Variants in APPL1 observed in about 807,000 individuals in gnomAD.
The protein encoded by APPL1 is adaptor protein, phosphotyrosine interacting with PH domain and leucine zipper 1.
APPL1 carries 42 observed loss-of-function variants against 106.8 expected under a neutral mutation model. The ratio of observed to expected loss-of-function variants is 0.39; its 90% CI spans 0.31 to 0.51. The LOEUF (loss-of-function observed/expected upper bound fraction) is 0.51, where lower values mean the gene tolerates loss of function less well. Ranked by LOEUF, APPL1 falls within the 20% of genes least tolerant of loss-of-function variation. The pLI is 0.75. For missense variants in APPL1, 769 were observed against 858.2 expected (o/e 0.90, Z 1.30); for synonymous variants, 263 against 281.8 (o/e 0.93, Z 0.67).
chr3:57,231,369 T>G (rs1458656324), intron 1 of APPL1, among the ~76,000 whole-genome samples: 1 of 151,546 alleles, frequency 6.6e-6, no homozygotes, highest in Non-Finnish European at 1.5e-5. Context: ...AGAAAATTTT[T>G]TTTTTGTAAA....
At chr3:57,248,110 C>T (rs909343361) in intron 9 of APPL1, 83 bp from the exon 10 acceptor site, 14 of 1,405,310 alleles carry the variant, frequency 1.0e-5, no homozygotes, top group Middle Eastern at 3.7e-4. Context: ...AAAACATACC[C>T]GAAACAAATA....
In APPL1 at chr3:57,270,348, T is replaced by TTGA. The variant is rs1180570077; in HGVS notation, c.*663_*665dup. 6.5e-5 allele frequency: 10 copies of TTGA among 152,774 alleles called. No homozygotes were observed. In the South Asian group the frequency reaches 1.9e-3, roughly 28 times the overall value. 9.5% of individuals were successfully genotyped at this position (152,774 alleles called of 1,614,324 possible). On this transcript the variant is annotated 3_prime_UTR_variant, in exon 22 of 22. Transcript: ENST00000288266. The stretch of plus-strand genomic sequence containing the variant: ...AAGCTTAAGTGTCTTCAGTTCAAGA[T>TTGA]TGATAGAGCCCTTGGCATTTTATTA...
rs139917044 is a variant in APPL1 at position 57,231,553 on chromosome 3, A to C, written c.54+3616A>C. Reference sequence around the variant, plus strand: ...TGGCCTGCCAGTTGCTACCTAAAAAAGAGCCTTGGCCTGGCACAGTGGCTC... The same window carrying C: ...TGGCCTGCCAGTTGCTACCTAAAAACGAGCCTTGGCCTGGCACAGTGGCTC... On this transcript the variant is annotated intron_variant, in intron 1 of 21. Coordinates refer to ENST00000288266, the MANE Select transcript of APPL1 (RefSeq NM_012096.3). 5.7e-4 allele frequency among the ~76,000 whole-genome samples: 86 copies of C among 152,072 alleles called. 2 individuals are homozygous for C. The East Asian group carries it at 0.016, about 28-fold the overall frequency.
rs980453340 is a variant in APPL1 at position 57,271,269 on chromosome 3, T to C, written c.*1582T>C. The C allele has an allele frequency of 5.2e-5, 8 of 152,606 alleles. No individual in the cohort carries two copies. The highest frequency in any genetic ancestry group is 8.8e-5 in the Non-Finnish European group (6 of 68,028). The allele number at this position is 152,606 out of a possible 1,614,324, so 9.5% of individuals were successfully genotyped here. A position where few individuals can be genotyped will look rare whatever the true frequency, so the allele number is the denominator to read the frequency against. On this transcript the variant is annotated 3_prime_UTR_variant, in exon 22 of 22. Transcript: ENST00000288266. ...TTTCTGTAGGAATAGGATAATGATA[T>C]ATAGGATCATGATATTCCTTCTATC... is the stretch of plus-strand genomic sequence containing the variant.
rs1037555182 is a variant in APPL1 at position 57,236,390 on chromosome 3, G to A, written c.153+726G>A. Among the ~76,000 whole-genome samples the A allele has an allele frequency of 8.7e-5, 13 of 150,048 alleles. 1 individual carries two copies. Among genetic ancestry groups the A allele is most frequent in the African/African-American group, 3.0e-4 (12 of 40,574 alleles). On this transcript the variant is annotated intron_variant, in intron 2 of 21. Transcript: ENST00000288266. Reference sequence around the variant, plus strand: ...GTCTCCCAGGCTGGAGTGCAATGGTGCAATCTCAGCTCACTGCACCCTCCA... The same window carrying A: ...GTCTCCCAGGCTGGAGTGCAATGGTACAATCTCAGCTCACTGCACCCTCCA...
chr3:57,235,890 C>G (rs2060713669), intron 2 of APPL1, among the ~76,000 whole-genome samples: 1 of 152,208 alleles, frequency 6.6e-6, no homozygotes, highest in Non-Finnish European at 1.5e-5. Context: ...ATTGAAGCAT[C>G]TGCCCATTCT....
chr3:57,229,856 G>T (rs2060677291), intron 1 of APPL1, among the ~76,000 whole-genome samples: 1 of 152,158 alleles, frequency 6.6e-6, no homozygotes, highest in East Asian at 1.9e-4. Flanking sequence ...TGGGATTACA[G>T]ACGTGTGCCA....
At position 57,269,863 on chromosome 3, in the gene APPL1, CT is replaced by C. The variant is rs1474131947; in HGVS notation, c.*182del. 9 of 687,996 alleles carry C rather than the reference CT, an allele frequency of 1.3e-5. No individual in the cohort carries two copies. The highest frequency in any genetic ancestry group is 5.4e-5 in the African/African-American group (3 of 55,464). 42.6% of individuals were successfully genotyped at this position (687,996 alleles called of 1,614,324 possible). A position where few individuals can be genotyped will look rare whatever the true frequency, so the allele number is the denominator to read the frequency against. On this transcript the variant is annotated 3_prime_UTR_variant, in exon 22 of 22. Coordinates refer to ENST00000288266, the MANE Select transcript of APPL1 (RefSeq NM_012096.3). ...CTTGATGACTTAGGTTTGCATTGAT[CT>C]TTTTTCCCCCTTAAACATAATGTAC...
intron 2 of APPL1, 147 bp downstream of exon 2, chr3:57,235,811 T>C (rs1362954032): frequency 1.8e-6 from 1 of 559,112 alleles, no homozygotes; most frequent in Non-Finnish European, 3.3e-6. Flanking sequence ...TAATGAACAT[T>C]GAGTGTATTA....
At chr3:57,252,094 C>T (rs2060808338) in intron 11 of APPL1, among the ~76,000 whole-genome samples, 175 bp from the exon 12 acceptor site, 1 of 152,168 alleles carries the variant, frequency 6.6e-6, no homozygotes, top group Admixed American at 6.5e-5. Flanking sequence ...AAGTCTGCAT[C>T]CTGATACCTC....
At chr3:57,258,737 A>C in intron 15 of APPL1, 1 of 268,084 alleles carries the variant, frequency 3.7e-6, no homozygotes, top group Non-Finnish European at 7.0e-6. Context: ...GTGCTAGCTT[A>C]TTTAAATTCA....
At chr3:57,243,713 G>T (rs527495505) in intron 7 of APPL1, among the ~76,000 whole-genome samples, 1 of 152,156 alleles carries the variant, frequency 6.6e-6, no homozygotes. Flanking sequence ...CTACTTAATG[G>T]TGTATTGATA....
At chr3:57,242,433 A>T (rs1292303430) in intron 6 of APPL1, among the ~76,000 whole-genome samples, 1 of 151,314 alleles carries the variant, frequency 6.6e-6, no homozygotes, top group East Asian at 1.9e-4. Flanking sequence ...AATGAGTGTT[A>T]TATATATATA....
intron 5 of APPL1, among the ~76,000 whole-genome samples, chr3:57,241,444 CACTT>C (rs2060745949): frequency 6.6e-6 from 1 of 152,284 alleles, no homozygotes; most frequent in African/African-American, 2.4e-5. Context: ...CAGCCATACA[CACTT>C]ACTTCCAAAA....
intron 19 of APPL1, among the ~76,000 whole-genome samples, chr3:57,267,254 A>G (rs910114033): frequency 2.0e-5 from 3 of 152,208 alleles, no homozygotes; most frequent in Non-Finnish European, 4.4e-5. Context: ...AATTTTGCCT[A>G]GGCTTACTGA....
In APPL1 at chr3:57,247,458, A is replaced by G. The variant is rs1046272732; in HGVS notation, c.685A>G (p.Ile229Val). ...NEQLEEFLAN[I>V]GTSVQNVRRE... ...ACAACTGGAAGAATTTTTAGCTAAT[A>G]TTGGAACAAGCGTTCAGAAGTAAGT... The change falls in exon 9 of 22, where the codon ATT (isoleucine) becomes GTT (valine). Residue 229 changes from isoleucine (I) to valine (V), a missense_variant. Coordinates refer to ENST00000288266, the MANE Select transcript of APPL1 (RefSeq NM_012096.3). 3.7e-6 allele frequency: 6 copies of G among 1,607,828 alleles called. No individual in the cohort carries two copies. Among genetic ancestry groups the G allele is most frequent in the Non-Finnish European group, 5.1e-6 (6 of 1,175,108 alleles).
intron 11 of APPL1, among the ~76,000 whole-genome samples, 161 bp from the exon 12 acceptor site, chr3:57,252,108 T>TATCA: frequency 6.6e-6 from 1 of 152,350 alleles, no homozygotes; most frequent in African/African-American, 2.4e-5. Context: ...ATACCTCTGG[T>TATCA]GGTCTCCTTT....
intron 13 of APPL1, among the ~76,000 whole-genome samples, chr3:57,255,224 G>T (rs1011596889): frequency 1.5e-4 from 23 of 152,162 alleles, no homozygotes; most frequent in Admixed American, 1.5e-3. Context: ...GACAGGAGCT[G>T]CCTGACCTCT....
chr3:57,232,795 G>A (rs1316289421), intron 1 of APPL1, among the ~76,000 whole-genome samples: 2 of 152,162 alleles, frequency 1.3e-5, no homozygotes, highest in African/African-American at 4.8e-5. Flanking sequence ...AAGGTCAGGA[G>A]ATCGAGACCA....
Sources: gnomAD v4.1 joint callset for allele counts (sites outside exome capture counted in the v4.1 genomes callset) on GRCh38, gnomAD v4.1.1 for gene constraint, MANE v1.5 for transcripts, NCBI Gene and HGNC (gene_info 2026-07-23, HGNC 2026-07-21) for gene names.